Variants in NHS observed in about 807,000 individuals in gnomAD.
NHS encodes actin remodeling regulator NHS.
In NHS, 5 loss-of-function variants were observed where a neutral mutation model predicts 72.5. The ratio of observed to expected loss-of-function variants is 0.07; its 90% CI spans 0.04 to 0.14. The LOEUF is 0.14. NHS is among the 10% of genes least tolerant of loss of function. The pLI is 1.00. For missense variants in NHS, 1,072 were observed against 1,355.7 expected (o/e 0.79, Z 3.29); for synonymous variants, 464 against 547.7 (o/e 0.85, Z 2.13).
At chrX:17,503,055 C>T (rs2065042767) in intron 1 of NHS, among the ~76,000 whole-genome samples, 1 of 111,966 alleles carries the variant, frequency 8.9e-6, no homozygotes, top group Non-Finnish European at 1.9e-5. Flanking sequence ...TTAAAAATGA[C>T]CTAATCTTTC....
intron 1 of NHS, among the ~76,000 whole-genome samples, chrX:17,419,828 T>C (rs902537268): frequency 1.8e-5 from 2 of 111,863 alleles, no homozygotes; most frequent in East Asian, 2.8e-4. Flanking sequence ...TAGAAAGTCA[T>C]AATTTTGAAT....
intron 1 of NHS, among the ~76,000 whole-genome samples, chrX:17,377,496 T>C (rs2064352821): frequency 8.8e-6 from 1 of 113,199 alleles, no homozygotes; most frequent in Admixed American, 9.2e-5. Flanking sequence ...AGAAGCTTCC[T>C]AGGTTGCTGC....
intron 1 of NHS, among the ~76,000 whole-genome samples, chrX:17,493,507 C>G (rs1417738802): frequency 2.7e-5 from 3 of 111,969 alleles, no homozygotes; most frequent in African/African-American, 9.7e-5. Flanking sequence ...TCTGCTTGTC[C>G]ACTGCATCGC....
At chrX:17,611,709 C>T (rs900795010) in intron 1 of NHS, among the ~76,000 whole-genome samples, 2 of 110,896 alleles carry the variant, frequency 1.8e-5, no homozygotes, top group African/African-American at 6.6e-5. Flanking sequence ...ACCAAATTAT[C>T]CACACTCAGG....
At chrX:17,602,430 G>A (rs1405117352) in intron 1 of NHS, among the ~76,000 whole-genome samples, 1 of 111,660 alleles carries the variant, frequency 9.0e-6, no homozygotes, top group Admixed American at 9.5e-5. Context: ...CTCAGAAATT[G>A]GGTGGGGCAG....
intron 1 of NHS, among the ~76,000 whole-genome samples, chrX:17,379,767 C>T (rs775942093): frequency 3.4e-3 from 383 of 112,026 alleles, no homozygotes; most frequent in Non-Finnish European, 6.0e-3. Context: ...AAGAGTGAGA[C>T]TTCATCTCAA....
intron 1 of NHS, among the ~76,000 whole-genome samples, chrX:17,414,999 T>C (rs746181705): frequency 1.8e-5 from 2 of 111,205 alleles, no homozygotes; most frequent in Non-Finnish European, 3.8e-5. Context: ...GGGGGTTGGC[T>C]GGTATCTTGG....
chrX:17,386,685 GAAAAAGAAAAA>G (rs1473894889), intron 1 of NHS, among the ~76,000 whole-genome samples: 42 of 86,729 alleles, frequency 4.8e-4, no homozygotes, highest in Non-Finnish European at 6.5e-4. Flanking sequence ...AAAAAAAAAA[GAAAAAGAAAAA>G]AAAGAATGTC....
intron 1 of NHS, among the ~76,000 whole-genome samples, chrX:17,422,685 A>T (rs890133715): frequency 2.7e-5 from 3 of 111,805 alleles, no homozygotes; most frequent in African/African-American, 9.8e-5. Context: ...AGGCAAAATT[A>T]CCCTCAGTTG....
chrX:17,424,763 T>C (rs1197884836), intron 1 of NHS, among the ~76,000 whole-genome samples: 1 of 112,503 alleles, frequency 8.9e-6, no homozygotes, highest in Admixed American at 9.4e-5. Context: ...AGAGAATGGA[T>C]GTGCTCCTCA....
chrX:17,635,211 AC>A, intron 1 of NHS: 3 of 804,763 alleles, frequency 3.7e-6, no homozygotes, highest in Non-Finnish European at 4.7e-6. Context: ...TCCCACTGCA[AC>A]CTAAACTGCT....
At chrX:17,666,261 A>G (rs1330303665) in intron 1 of NHS, among the ~76,000 whole-genome samples, 1 of 112,405 alleles carries the variant, frequency 8.9e-6, no homozygotes, top group Non-Finnish European at 1.9e-5. Context: ...CAGAAATGGT[A>G]TTGAGGGAAA....
At chrX:17,471,084 G>A (rs1480726211) in intron 1 of NHS, among the ~76,000 whole-genome samples, 6 of 111,943 alleles carry the variant, frequency 5.4e-5, no homozygotes, top group African/African-American at 1.9e-4. Flanking sequence ...TGTAGGTGCT[G>A]TATCTCCTTA....
chrX:17,661,235 T>C (rs2065981377), intron 1 of NHS, among the ~76,000 whole-genome samples: 2 of 111,942 alleles, frequency 1.8e-5, no homozygotes, highest in Non-Finnish European at 3.8e-5. Context: ...ACCAATTGGA[T>C]GAGAAGACAA....
rs907290988 is a variant in NHS, at chrX:17,375,947, C to T, written c.190C>T (p.Pro64Ser). The stretch of plus-strand genomic sequence containing the variant: ...GGAGCCAGCCCGCGCCGTCCCTGCA[C>T]CTTCAGGGCTGCCACCGCCGCCGCC... ...PEEPARAVPA[P>S]SGLPPPPPPL... Residue 64 changes from proline (P) to serine (S), a missense_variant, in exon 1 of 9, where the codon CCT becomes TCT. Transcript: ENST00000676302. 4.1e-5 allele frequency: 44 copies of T among 1,078,500 alleles called. No individual in the cohort carries two copies. The highest frequency in any genetic ancestry group is 6.6e-5 in the Admixed American group (2 of 30,300). 88.9% of individuals were successfully genotyped at this position (1,078,500 alleles called of 1,213,427 possible). A position where few individuals can be genotyped will look rare whatever the true frequency, so the allele number is the denominator to read the frequency against.
At chrX:17,452,395 A>T (rs1320632013) in intron 1 of NHS, among the ~76,000 whole-genome samples, 2 of 111,558 alleles carry the variant, frequency 1.8e-5, no homozygotes, top group African/African-American at 6.5e-5. Flanking sequence ...GAACTAAAGG[A>T]TAATCTAAAT....
At chrX:17,392,682 A>T (rs992583002) in intron 1 of NHS, among the ~76,000 whole-genome samples, 1 of 112,136 alleles carries the variant, frequency 8.9e-6, no homozygotes, top group African/African-American at 3.2e-5. Context: ...CTTCATATAT[A>T]AGTGATATAG....
At chrX:17,681,632 A>G (rs946410075) in intron 1 of NHS, among the ~76,000 whole-genome samples, 3 of 111,976 alleles carry the variant, frequency 2.7e-5, no homozygotes, top group African/African-American at 9.8e-5. Flanking sequence ...AACGACTTGC[A>G]CAATGTCACA....
At chrX:17,465,658 G>A (rs1805903609) in intron 1 of NHS, among the ~76,000 whole-genome samples, 1 of 110,316 alleles carries the variant, frequency 9.1e-6, no homozygotes, top group Non-Finnish European at 1.9e-5. Context: ...ATGGAAGCTA[G>A]AGTCTAAGAG....
Sources: allele counts gnomAD v4.1 joint callset (sites outside exome capture counted in the v4.1 genomes callset), GRCh38; gene constraint gnomAD v4.1.1; transcripts MANE v1.5; gene names NCBI Gene and HGNC (gene_info 2026-07-23, HGNC 2026-07-21).